The following CACNA1A variants were observed in gnomAD, a reference collection of about 807,000 sequenced individuals.
The protein encoded by CACNA1A is voltage-dependent P/Q-type calcium channel subunit alpha-1A.
Under a neutral mutation model 262.4 loss-of-function variants are expected in CACNA1A, and 57 were observed. The ratio of observed to expected loss-of-function variants is 0.22; its 90% CI spans 0.18 to 0.27. The LOEUF (loss-of-function observed/expected upper bound fraction) is 0.27. CACNA1A is among the 10% of genes least tolerant of loss of function. The pLI is 1.00. For missense variants in CACNA1A, 2,526 were observed against 3,562.8 expected (o/e 0.71, Z 7.41); for synonymous variants, 1,431 against 1,419.3 (o/e 1.01, Z -0.18).
chr19:13,379,448 G>C (rs1231651101), intron 3 of CACNA1A, among the ~76,000 whole-genome samples: 1 of 152,180 alleles, frequency 6.6e-6, no homozygotes, highest in Non-Finnish European at 1.5e-5. Flanking sequence ...CAAACCAGCA[G>C]TGTCTCTGAG....
At chr19:13,413,571 T>TA (rs58314938) in intron 3 of CACNA1A, among the ~76,000 whole-genome samples, 34,708 of 71,638 alleles carry the variant, frequency 0.48, 8,896 homozygotes, top group Non-Finnish European at 0.6. Context: ...GGTCCTGTCT[T>TA]AAAAAAAAAA....
At chr19:13,435,688 T>G (rs2060599167) in intron 3 of CACNA1A, among the ~76,000 whole-genome samples, 1 of 152,162 alleles carries the variant, frequency 6.6e-6, no homozygotes. Context: ...TGAATGTTGG[T>G]GTTTATCATA....
intron 37 of CACNA1A, chr19:13,225,510 TCCC>T (rs1462219175): frequency 6.6e-6 from 1 of 152,020 alleles, no homozygotes; most frequent in African/African-American, 2.4e-5. Flanking sequence ...AAGAAAAGAT[TCCC>T]CATGTCCCAG....
Position 13,286,846 on chromosome 19 carries a change from G to T in CACNA1A, c.3210C>A (p.Asn1070Lys), listed in dbSNP as rs369927027. The T allele has an allele frequency of 2.5e-6, 4 of 1,613,776 alleles. No homozygotes were observed. The highest frequency in any genetic ancestry group is 3.3e-5 in the Admixed American group (2 of 60,008). Residue 1070 changes from asparagine (N) to lysine (K), a missense_variant, in exon 20 of 47, where the codon AAC (asparagine) becomes AAA (lysine). By Grantham distance (94) the Asn-to-Lys change is moderately conservative. Around this residue, in one of 17 missense-constraint regions of CACNA1A, gnomAD observed 765 missense variants for 748.6 expected, o/e 1.02. Transcript: ENST00000360228. Reference sequence around the variant, plus strand: ...CCGACTCCGCGGTGGCCAGCTTGTTGTTCTTCATGTTGTCAATATCCTCTG... The same window carrying T: ...CCGACTCCGCGGTGGCCAGCTTGTTTTTCTTCATGTTGTCAATATCCTCTG... ...PLAEDIDNMK[N>K]NKLATAESAA...
At chr19:13,469,615 A>ATTT (rs745335031) in intron 1 of CACNA1A, among the ~76,000 whole-genome samples, 4,336 of 133,730 alleles carry the variant, frequency 0.032, 243 homozygotes, top group African/African-American at 0.11. Flanking sequence ...CGCCTGGCTA[A>ATTT]TTTTTTTTTT....
chr19:13,465,019 C>G (rs1348334123), intron 1 of CACNA1A, among the ~76,000 whole-genome samples: 2 of 152,046 alleles, frequency 1.3e-5, no homozygotes, highest in Admixed American at 6.5e-5. Context: ...GCCTCCACCT[C>G]CTGGGTGCGA....
Position 13,299,038 on chromosome 19 carries a change from G to T in CACNA1A, c.2595C>A (p.His865Gln). 1 of 1,597,626 alleles carries T rather than the reference G, an allele frequency of 6.3e-7. No homozygotes were observed. The highest frequency in any genetic ancestry group is 1.3e-5 in the African/African-American group (1 of 74,902). ...AGCCGCTGGGGTCCCGGGCCCGATC[G>T]TGGTAGCGGGCCTGTTTCCTGAGGA... ...EDFLRKQARY[H>Q]DRARDPSGSA... is the part of the protein sequence containing the mutation. The change falls in exon 19 of 47, where the codon CAC (histidine) becomes CAA (glutamine). Residue 865 changes from histidine (H) to glutamine (Q), a missense_variant. Transcript: ENST00000360228.
At chr19:13,345,273 T>A (rs1434245345) in intron 6 of CACNA1A, among the ~76,000 whole-genome samples, 7 of 152,214 alleles carry the variant, frequency 4.6e-5, no homozygotes, top group Admixed American at 4.6e-4. Flanking sequence ...GGCAACATGA[T>A]GTGCCTGGAT....
chr19:13,411,011 A>G (rs2039918025), intron 3 of CACNA1A, among the ~76,000 whole-genome samples: 1 of 152,074 alleles, frequency 6.6e-6, no homozygotes, highest in Admixed American at 6.6e-5. Flanking sequence ...TAGCCTCCAC[A>G]GGAGGCTGAC....
intron 4 of CACNA1A, among the ~76,000 whole-genome samples, chr19:13,369,109 C>T (rs2059272302): frequency 6.6e-6 from 1 of 151,400 alleles, no homozygotes; most frequent in African/African-American, 2.4e-5. Flanking sequence ...GGTTAAGGTG[C>T]TGGATACTCT....
chr19:13,424,643 T>C (rs2060370923), intron 3 of CACNA1A, among the ~76,000 whole-genome samples: 1 of 151,898 alleles, frequency 6.6e-6, no homozygotes, highest in South Asian at 2.1e-4. Flanking sequence ...TAACTTATTT[T>C]ATTTTACTTT....
At chr19:13,452,599 T>G (rs147967983) in intron 3 of CACNA1A, 135 of 276,190 alleles carry the variant, frequency 4.9e-4, no homozygotes, top group African/African-American at 2.8e-3. Context: ...CCTAATTCAG[T>G]GGGTTGTTGC....
In CACNA1A at chr19:13,359,684, C is replaced by T. The variant is rs2059067917; in HGVS notation, c.900G>A (p.Gln300=). The part of the protein sequence containing the change: ...YWEGPNNGIT[Q]FDNILFAVLT... ...GCACTGCAAACAGGATGTTGTCGAA[C>T]TGAGTGATCCCGTTGTTGGGCCCTT... The change falls in exon 6 of 47, where the codon CAG becomes CAA. Residue 300 remains glutamine (Q), a synonymous_variant. Transcript: ENST00000360228. 5.0e-6 allele frequency: 8 copies of T among 1,606,590 alleles called. No individual in the cohort carries two copies. The highest frequency in any genetic ancestry group is 6.8e-6 in the Non-Finnish European group (8 of 1,176,484).
At chr19:13,416,935 T>TCAAAA (rs1051798509) in intron 3 of CACNA1A, among the ~76,000 whole-genome samples, 2 of 152,074 alleles carry the variant, frequency 1.3e-5, no homozygotes, top group Non-Finnish European at 2.9e-5. Context: ...TTTGCCACAA[T>TCAAAA]CAAAACAAAA....
intron 24 of CACNA1A, chr19:13,274,133 CG>C (rs1247368397): frequency 1.3e-5 from 2 of 151,472 alleles, no homozygotes; most frequent in Non-Finnish European, 2.9e-5. Flanking sequence ...AAAGAGTAAA[CG>C]AACAAAAAGA....
intron 1 of CACNA1A, among the ~76,000 whole-genome samples, chr19:13,471,375 G>T (rs994161625): frequency 6.6e-6 from 1 of 152,024 alleles, no homozygotes; most frequent in African/African-American, 2.4e-5. Context: ...GTTATGAATT[G>T]TACCACCAGC....
intron 18 of CACNA1A, 65 bp downstream of exon 18, chr19:13,300,485 C>T: frequency 8.6e-7 from 1 of 1,156,480 alleles, no homozygotes; most frequent in Non-Finnish European, 1.3e-6. Flanking sequence ...CTTCCCAAAT[C>T]TGTGCCTGGG....
At chr19:13,499,330 C>T (rs1329269094) in intron 1 of CACNA1A, among the ~76,000 whole-genome samples, 2 of 151,900 alleles carry the variant, frequency 1.3e-5, no homozygotes, top group African/African-American at 2.4e-5. Flanking sequence ...CAAGTGGCCA[C>T]GAATTTTTTT....
At chr19:13,376,637 TTA>T (rs906852027) in intron 3 of CACNA1A, among the ~76,000 whole-genome samples, 10 of 147,604 alleles carry the variant, frequency 6.8e-5, no homozygotes, top group East Asian at 2.0e-4. Flanking sequence ...TACACATATG[TTA>T]TATATGATAC....
Sources: allele counts gnomAD v4.1 joint callset (sites outside exome capture counted in the v4.1 genomes callset), GRCh38; gene constraint gnomAD v4.1.1; regional missense constraint gnomAD v4.1.1; transcripts MANE v1.5; gene names NCBI Gene and HGNC (gene_info 2026-07-23, HGNC 2026-07-21).